Variants in CRNN observed in about 807,000 individuals in gnomAD.
CRNN encodes cornulin.
A neutral mutation model predicts 44.7 loss-of-function variants in CRNN; 39 were observed. The observed-to-expected ratio is 0.87, with a 90% confidence interval of 0.68 to 1.14. The LOEUF (loss-of-function observed/expected upper bound fraction) is 1.14, where lower values mean the gene tolerates loss of function less well. Among genes scored for constraint, CRNN ranks in the 50% most tolerant of loss-of-function variants. CRNN has a pLI of 0.00. For missense variants in CRNN, 606 were observed against 605.1 expected (o/e 1.00, Z -0.02); for synonymous variants, 240 against 231.8 (o/e 1.04, Z -0.32).
At chr1:152,414,073 T>A (rs1655841971) in intron 1 of CRNN, 141 bp downstream of exon 1, 1 of 152,290 alleles carries the variant, frequency 6.6e-6, no homozygotes, top group Non-Finnish European at 1.5e-5. Context: ...AGAGCATGTT[T>A]CCCAACGGTA....
chr1:152,409,469 C>G lies in CRNN; in HGVS notation c.*125G>C. 6.8e-7 allele frequency: 1 copy of G among 1,480,454 alleles called. No homozygotes were observed. The highest frequency in any genetic ancestry group is 1.4e-5 in the African/African-American group (1 of 71,198). The allele number at this position is 1,480,454 out of a possible 1,614,324, so 91.7% of individuals were successfully genotyped here. ...CAGAAATTATCTCATTGAGAAAGAC[C>G]TAAAAGGGAAGCTGCATAATGAAGA... is the stretch of plus-strand genomic sequence containing the variant. On this transcript the variant is annotated 3_prime_UTR_variant, in exon 3 of 3. Transcript: ENST00000271835.
In CRNN at chr1:152,412,126, G is replaced by T; in HGVS notation, c.108C>A (p.Leu36=). The T allele has an allele frequency of 6.2e-7, 1 of 1,611,884 alleles. No homozygotes were observed. Among genetic ancestry groups the T allele is most frequent in the Non-Finnish European group, 8.5e-7 (1 of 1,178,272 alleles). Residue 36 remains leucine, a synonymous_variant, in exon 2 of 3, where the codon CTC becomes CTA. Transcript: ENST00000271835. The part of the protein sequence containing the change: ...TALTRGELKR[L]LEQEFADVIV... ...TCACATCGGCAAACTCTTGCTCCAA[G>T]AGTCTTTTCAGCTCCCCTCGGGTGA...
At chr1:152,411,049 C>T in intron 2 of CRNN, 106 bp from the exon 3 acceptor site, 1 of 1,468,072 alleles carries the variant, frequency 6.8e-7, no homozygotes, top group Non-Finnish European at 8.9e-7. Context: ...CCACACTACA[C>T]ACACATACGG....
chr1:152,411,057 C>A, intron 2 of CRNN, 114 bp from the exon 3 acceptor site: 1 of 1,440,796 alleles, frequency 6.9e-7, no homozygotes, highest in Non-Finnish European at 9.1e-7. Context: ...CACACACATA[C>A]GGCTAGAGCA....
intron 2 of CRNN, among the ~76,000 whole-genome samples, chr1:152,411,408 G>C (rs1655760826): frequency 6.6e-6 from 1 of 152,148 alleles, no homozygotes; most frequent in African/African-American, 2.4e-5. Flanking sequence ...GATAAAGAGG[G>C]AGGGAAGCAG....
Position 152,410,463 on chromosome 1 carries a change from T to A in CRNN, c.619A>T (p.Arg207Trp), listed in dbSNP as rs1475001076. ...EGKRNQTTEM[R>W]PERQPQTREQ... Reference sequence around the variant, plus strand: ...CTGGTCTGTGGCTGTCTCTCTGGCCTCATCTCTGTTGTCTGATTCCTCTTG... The same window carrying A: ...CTGGTCTGTGGCTGTCTCTCTGGCCACATCTCTGTTGTCTGATTCCTCTTG... Residue 207 changes from arginine to tryptophan, a missense_variant, in exon 3 of 3, where the codon AGG (arginine) becomes TGG (tryptophan). By Grantham distance (101) the Arg-to-Trp change is moderately radical. Coordinates refer to ENST00000271835, the MANE Select transcript of CRNN (RefSeq NM_016190.3). 1.2e-6 allele frequency: 2 copies of A among 1,614,190 alleles called. No individual in the cohort carries two copies. The highest frequency in any genetic ancestry group is 3.3e-5 in the Admixed American group (2 of 60,026).
chr1:152,413,561 G>A (rs1655830186), intron 1 of CRNN, among the ~76,000 whole-genome samples: 1 of 152,222 alleles, frequency 6.6e-6, no homozygotes, highest in African/African-American at 2.4e-5. Context: ...AAGGTGGGCT[G>A]TTCAGGAGAA....
chr1:152,411,647 G>T (rs572268557), intron 2 of CRNN, among the ~76,000 whole-genome samples: 1 of 152,174 alleles, frequency 6.6e-6, no homozygotes, highest in Non-Finnish European at 1.5e-5. Context: ...GATGTGATCA[G>T]TCTGCTAATA....
In CRNN at chr1:152,410,949, G is replaced by A; in HGVS notation, c.139-6C>T. The A allele has an allele frequency of 6.3e-7, 1 of 1,596,170 alleles. No individual in the cohort carries two copies. The highest frequency in any genetic ancestry group is 1.3e-5 in the African/African-American group (1 of 74,736). The stretch of plus-strand genomic sequence containing the variant: ...GTTGCTGGATCGTGGGGTTTCTGAG[G>A]AGAAGATGAGGTGGAGTCAGCATCC... On this transcript the variant is annotated splice_region_variant and splice_polypyrimidine_tract_variant and intron_variant, in intron 2 of 2. Coordinates refer to ENST00000271835, the MANE Select transcript of CRNN (RefSeq NM_016190.3).
In CRNN at chr1:152,410,209, T is replaced by G; in HGVS notation, c.873A>C (p.Ala291=). ...AVTGGHAQIQ[A]GTHTQTPTQT... Reference sequence around the variant, plus strand: ...GGGTGGGTGTCTGGGTGTGTGTCCCTGCCTGTATCTGAGCATGTCCTCCTG... The same window carrying G: ...GGGTGGGTGTCTGGGTGTGTGTCCCGGCCTGTATCTGAGCATGTCCTCCTG... The change falls in exon 3 of 3, where the codon GCA becomes GCC. Residue 291 remains alanine, a synonymous_variant. Transcript: ENST00000271835. 1 of 1,613,660 alleles carries G rather than the reference T, an allele frequency of 6.2e-7. No homozygotes were observed. The highest frequency in any genetic ancestry group is 2.2e-5 in the East Asian group (1 of 44,830).
At chr1:152,410,972 T>A (rs753999874) in intron 2 of CRNN, 29 bp from the exon 3 acceptor site, 6 of 1,570,720 alleles carry the variant, frequency 3.8e-6, no homozygotes, top group Non-Finnish European at 5.2e-6. Context: ...GGAGTCAGCA[T>A]CCCTCCCCTG....
At position 152,410,768 on chromosome 1, in the gene CRNN, A is replaced by G. The variant is rs143373281; in HGVS notation, c.314T>C (p.Leu105Pro). 81 of 1,614,008 alleles carry G rather than the reference A, an allele frequency of 5.0e-5. No individual in the cohort carries two copies. Among genetic ancestry groups the G allele is most frequent in the Admixed American group, 3.3e-5 (2 of 60,002 alleles). ...CAGCTCCTGCGAGGCCCCAGAGTGGAGGCTTCCAGACTCTTGAGAGCCGCA... is the reference window on the plus strand; with the variant it reads ...CAGCTCCTGCGAGGCCCCAGAGTGGGGGCTTCCAGACTCTTGAGAGCCGCA... Reference protein sequence around the residue: ...GACGSQESGSLHSGASQELGE... With the variant: ...GACGSQESGSPHSGASQELGE... Residue 105 changes from leucine to proline, a missense_variant, in exon 3 of 3, where the codon CTC becomes CCC. Transcript: ENST00000271835.
chr1:152,412,385 T>C, intron 1 of CRNN, 139 bp from the exon 2 acceptor site: 1 of 845,610 alleles, frequency 1.2e-6, no homozygotes, highest in Non-Finnish European at 1.8e-6. Flanking sequence ...ACATAATGCA[T>C]CTTATGTATG....
chr1:152,410,959 G>C lies in CRNN; in HGVS notation c.139-16C>G. 6.3e-7 allele frequency: 1 copy of C among 1,584,428 alleles called. No individual in the cohort carries two copies. The highest frequency in any genetic ancestry group is 8.6e-7 in the Non-Finnish European group (1 of 1,167,202). On this transcript the variant is annotated splice_polypyrimidine_tract_variant and intron_variant, in intron 2 of 2. Coordinates refer to ENST00000271835, the MANE Select transcript of CRNN (RefSeq NM_016190.3). ...CGTGGGGTTTCTGAGGAGAAGATGA[G>C]GTGGAGTCAGCATCCCTCCCCTGAG... is the stretch of plus-strand genomic sequence containing the variant.
intron 2 of CRNN, among the ~76,000 whole-genome samples, 191 bp downstream of exon 2, chr1:152,411,905 C>T (rs750428070): frequency 6.6e-6 from 1 of 152,136 alleles, no homozygotes; most frequent in South Asian, 2.1e-4. Context: ...ATCTAAAGAG[C>T]CAGGACTTGC....
chr1:152,409,400 G>T lies in CRNN; in HGVS notation c.*194C>A. Reference sequence around the variant, plus strand: ...TCCTGCTCCTGAGAGGGTCTGCACCGCAAAGCAGGTAAGAAAGAAGAGTTC... The same window carrying T: ...TCCTGCTCCTGAGAGGGTCTGCACCTCAAAGCAGGTAAGAAAGAAGAGTTC... On this transcript the variant is annotated 3_prime_UTR_variant, in exon 3 of 3. Coordinates refer to ENST00000271835, the MANE Select transcript of CRNN (RefSeq NM_016190.3). The T allele has an allele frequency of 2.9e-6, 3 of 1,042,078 alleles. No individual in the cohort carries two copies. In the South Asian group the frequency reaches 5.3e-5, roughly 18 times the overall value. 64.6% of individuals were successfully genotyped at this position (1,042,078 alleles called of 1,614,324 possible).
chr1:152,412,770 A>G (rs1246370497), intron 1 of CRNN, among the ~76,000 whole-genome samples: 1 of 152,184 alleles, frequency 6.6e-6, no homozygotes, highest in Non-Finnish European at 1.5e-5. Context: ...GGCTCAGAGA[A>G]GTTAGGCCAC....
chr1:152,410,027 C>T lies in CRNN; in HGVS notation c.1055G>A (p.Gly352Glu), dbSNP rs756052004. The change falls in exon 3 of 3, where the codon GGG becomes GAG. Residue 352 changes from glycine to glutamate, a missense_variant. Physicochemically the swap from Gly to Glu is moderately conservative, Grantham distance 98. Coordinates refer to ENST00000271835, the MANE Select transcript of CRNN (RefSeq NM_016190.3). ...VTGGHTQIQA[G>E]SHTETVEQDR... ...CTGCTCCACAGTCTCGGTGTGTGACCCTGCCTGTATCTGAGTGTGTCCTCC... is the reference window on the plus strand; with the variant it reads ...CTGCTCCACAGTCTCGGTGTGTGACTCTGCCTGTATCTGAGTGTGTCCTCC... 9 of 1,613,760 alleles carry T rather than the reference C, an allele frequency of 5.6e-6. No homozygotes were observed. The highest frequency in any genetic ancestry group is 7.6e-6 in the Non-Finnish European group (9 of 1,179,920).
chr1:152,410,018 G>C lies in CRNN; in HGVS notation c.1064C>G (p.Thr355Ser). 6.2e-7 allele frequency: 1 copy of C among 1,614,136 alleles called. No homozygotes were observed. The highest frequency in any genetic ancestry group is 8.5e-7 in the Non-Finnish European group (1 of 1,180,034). Residue 355 changes from threonine (T) to serine (S), a missense_variant, in exon 3 of 3, where the codon ACC (threonine) becomes AGC (serine). Thr to Ser is a moderately conservative substitution (Grantham distance 58). Coordinates refer to ENST00000271835, the MANE Select transcript of CRNN (RefSeq NM_016190.3). ...GCTTCTGTCCTGCTCCACAGTCTCGGTGTGTGACCCTGCCTGTATCTGAGT... is the reference window on the plus strand; with the variant it reads ...GCTTCTGTCCTGCTCCACAGTCTCGCTGTGTGACCCTGCCTGTATCTGAGT... The part of the protein sequence containing the change: ...GHTQIQAGSH[T>S]ETVEQDRSQT...
Sources: allele counts gnomAD v4.1 joint callset (sites outside exome capture counted in the v4.1 genomes callset), GRCh38; gene constraint gnomAD v4.1.1; transcripts MANE v1.5; gene names NCBI Gene and HGNC (gene_info 2026-07-23, HGNC 2026-07-21).